UPP2: variants seen among roughly 807,000 people sequenced by gnomAD.
UPP2 encodes uridine phosphorylase 2, also known as UPase 2.
Under a neutral mutation model 26.7 loss-of-function variants are expected in UPP2, and 23 were observed. That is an observed-to-expected ratio of 0.86 (90% CI 0.62 to 1.22). The LOEUF is 1.22. UPP2 is among the 50% of genes most tolerant of loss of function. UPP2 has a pLI of 0.00. For synonymous variants in UPP2, 127 were observed against 141.3 expected (o/e 0.90, Z 0.72); for missense variants, 387 against 396.7 (o/e 0.98, Z 0.21).
At chr2:158,083,435 C>T (rs1412944154) in intron 3 of UPP2, among the ~76,000 whole-genome samples, 5 of 152,076 alleles carry the variant, frequency 3.3e-5, no homozygotes, top group Non-Finnish European at 5.9e-5. Context: ...AACCATCATT[C>T]TCAGCAAACT....
intron 3 of UPP2, among the ~76,000 whole-genome samples, chr2:158,079,654 T>C (rs1310448955): frequency 2.0e-5 from 3 of 152,186 alleles, no homozygotes; most frequent in South Asian, 4.1e-4. Context: ...TTCTCTTACA[T>C]ACATTTTTTT....
intron 3 of UPP2, among the ~76,000 whole-genome samples, chr2:158,068,053 T>TC (rs1682466316): frequency 6.6e-6 from 1 of 152,114 alleles, no homozygotes; most frequent in South Asian, 2.1e-4. Context: ...TAATCTTTTT[T>TC]CCCCCCTTGC....
chr2:158,110,759 T>C (rs1345958056), intron 2 of UPP2, among the ~76,000 whole-genome samples: 1 of 152,228 alleles, frequency 6.6e-6, no homozygotes, highest in Non-Finnish European at 1.5e-5. Context: ...ATTTCTCTGA[T>C]GGCCAGTGAT....
chr2:158,038,386 A>AT (rs1684035257), intron 3 of UPP2, among the ~76,000 whole-genome samples: 1 of 152,250 alleles, frequency 6.6e-6, no homozygotes, highest in Admixed American at 6.5e-5. Context: ...AAAGAACCAG[A>AT]TTGATAACCC....
intron 1 of UPP2, among the ~76,000 whole-genome samples, chr2:158,105,009 G>A (rs193240870): frequency 0.32 from 3,482 of 10,796 alleles, 534 homozygotes; most frequent in Middle Eastern, 0.75. Flanking sequence ...GGGGAGGGGA[G>A]GGGAGGGGAG....
chr2:158,013,506 G>A (rs1205904789), intron 2 of UPP2, among the ~76,000 whole-genome samples: 1 of 152,208 alleles, frequency 6.6e-6, no homozygotes, highest in East Asian at 1.9e-4. Flanking sequence ...GGATTAGTAA[G>A]ATGAGAAGAC....
chr2:158,046,477 T>C (rs1860165), intron 3 of UPP2, among the ~76,000 whole-genome samples: 89,961 of 152,090 alleles, frequency 0.59, 27,689 homozygotes, highest in Non-Finnish European at 0.69. Context: ...CTGTGCCAGG[T>C]TGTATGGATT....
At chr2:157,995,626 T>A (rs9678256) in intron 2 of UPP2, among the ~76,000 whole-genome samples, 4,232 of 151,788 alleles carry the variant, frequency 0.028, 188 homozygotes, top group African/African-American at 0.095. Context: ...TACATAATTT[T>A]TAAAAAAAAA....
intron 3 of UPP2, among the ~76,000 whole-genome samples, chr2:158,026,722 A>C (rs540894859): frequency 6.6e-6 from 1 of 152,324 alleles, no homozygotes; most frequent in African/African-American, 2.4e-5. Context: ...AAAATATAAC[A>C]GGCAAGCAGT....
At chr2:158,007,550 C>T (rs1029556359) in intron 2 of UPP2, among the ~76,000 whole-genome samples, 1 of 152,072 alleles carries the variant, frequency 6.6e-6, no homozygotes, top group African/African-American at 2.4e-5. Flanking sequence ...TGCCTGGCAA[C>T]TTTTAACACC....
At chr2:158,131,053 G>A (rs1683808208) in intron 6 of UPP2, among the ~76,000 whole-genome samples, 1 of 152,202 alleles carries the variant, frequency 6.6e-6, no homozygotes, top group African/African-American at 2.4e-5. Flanking sequence ...TACAGGAAGT[G>A]CAAAGACTCT....
chr2:158,076,516 A>T (rs942850712), intron 3 of UPP2, among the ~76,000 whole-genome samples: 6 of 152,124 alleles, frequency 3.9e-5, no homozygotes, highest in African/African-American at 1.4e-4. Context: ...ATGGTTCAAC[A>T]TACGCAAATC....
rs57335590 is a variant in UPP2 at position 158,064,209 on chromosome 2, C to T, written c.148-37831C>T. Among the ~76,000 whole-genome samples, 791 of 152,334 alleles carry T rather than the reference C, an allele frequency of 5.2e-3. 4 individuals are homozygous for T. The highest frequency in any genetic ancestry group is 0.017 in the African/African-American group (691 of 41,584). ...ATGGTTGAACTAGTTTACAGTCCCA[C>T]CAACAGTGTAAAAGTGTTTCTATTT... On this transcript the variant is annotated intron_variant, in intron 3 of 9. Coordinates refer to the UPP2 transcript ENST00000605860.
Position 158,121,300 on chromosome 2 carries a change from A to T in UPP2, c.455-109A>T, listed in dbSNP as rs1040072416. On this transcript the variant is annotated intron_variant, in intron 4 of 6. Coordinates refer to ENST00000005756, the MANE Select transcript of UPP2 (RefSeq NM_173355.4). ...AGAAAATAATTTTAAAGTTGAAAAC[A>T]GGGAGACTCATTAGCAGCTAGCATT... 3.8e-5 allele frequency: 36 copies of T among 939,242 alleles called. 1 individual carries two copies. The highest frequency in any genetic ancestry group is 5.4e-5 in the Non-Finnish European group (32 of 596,354). 58.2% of individuals were successfully genotyped at this position (939,242 alleles called of 1,614,324 possible). A position where few individuals can be genotyped will look rare whatever the true frequency, so the allele number is the denominator to read the frequency against.
intron 3 of UPP2, among the ~76,000 whole-genome samples, chr2:158,050,854 G>A (rs1011512423): frequency 3.3e-5 from 5 of 152,248 alleles, no homozygotes; most frequent in Non-Finnish European, 5.9e-5. Flanking sequence ...AAGACCTACT[G>A]TTTGATAGCA....
At chr2:158,110,570 G>T (rs1683298239) in intron 2 of UPP2, among the ~76,000 whole-genome samples, 1 of 152,142 alleles carries the variant, frequency 6.6e-6, no homozygotes, top group Non-Finnish European at 1.5e-5. Flanking sequence ...ACTAGTTCTA[G>T]ATCCTTGAGG....
At chr2:158,037,692 C>T (rs1177985794) in intron 3 of UPP2, among the ~76,000 whole-genome samples, 1 of 152,108 alleles carries the variant, frequency 6.6e-6, no homozygotes, top group East Asian at 1.9e-4. Context: ...CTTCACATGA[C>T]CATCTCTTTT....
At chr2:158,128,955 G>T (rs1683749863) in intron 6 of UPP2, among the ~76,000 whole-genome samples, 2 of 152,034 alleles carry the variant, frequency 1.3e-5, no homozygotes, top group African/African-American at 4.8e-5. Flanking sequence ...GGAAAATCAG[G>T]TATAAATGGT....
intron 3 of UPP2, among the ~76,000 whole-genome samples, chr2:158,039,578 C>T (rs759170011): frequency 2.0e-5 from 3 of 152,084 alleles, no homozygotes; most frequent in Admixed American, 1.3e-4. Flanking sequence ...TGGCCATTGC[C>T]GAGAGTCAAG....
Sources: allele counts gnomAD v4.1 joint callset (sites outside exome capture counted in the v4.1 genomes callset), GRCh38; gene constraint gnomAD v4.1.1; transcripts MANE v1.5; gene names NCBI Gene and HGNC (gene_info 2026-07-23, HGNC 2026-07-21).